Variants in SYT14 observed in about 807,000 individuals in gnomAD.
The protein encoded by SYT14 is synaptotagmin 14, also known as synaptotagmin-14.
A neutral mutation model predicts 74.2 loss-of-function variants in SYT14; 32 were observed. The ratio of observed to expected loss-of-function variants is 0.43; its 90% confidence interval spans 0.33 to 0.58. The LOEUF (loss-of-function observed/expected upper bound fraction) is 0.58. Among genes scored for constraint, SYT14 ranks in the 20% least tolerant of loss-of-function variants. SYT14 has a pLI of 0.05. For synonymous variants in SYT14, 298 were observed against 337.7 expected (o/e 0.88, Z 1.29); for missense variants, 791 against 981.8 (o/e 0.81, Z 2.60).
At chr1:209,965,842 A>G (rs1558097101) in intron 2 of SYT14, 3 of 438,170 alleles carry the variant, frequency 6.8e-6, no homozygotes, top group African/African-American at 4.1e-5. Context: ...TATCAAATCA[A>G]TAGATTATAT....
intron 1 of SYT14, among the ~76,000 whole-genome samples, chr1:209,949,360 G>A (rs2078874360): frequency 6.6e-6 from 1 of 152,024 alleles, no homozygotes; most frequent in African/African-American, 2.4e-5. Flanking sequence ...GGATCATGAG[G>A]TCAAGAGATC....
chr1:210,117,079 G>A (rs926557547), intron 7 of SYT14, among the ~76,000 whole-genome samples: 2 of 152,132 alleles, frequency 1.3e-5, no homozygotes, highest in African/African-American at 4.8e-5. Context: ...TCAGTCAAGA[G>A]TATAATGCCA....
intron 2 of SYT14, among the ~76,000 whole-genome samples, chr1:209,971,258 G>A (rs1341275514): frequency 3.9e-5 from 6 of 152,088 alleles, no homozygotes; most frequent in Admixed American, 6.5e-5. Context: ...TACTGAAGTC[G>A]TTTATCAGTT....
rs184767284 is a variant in SYT14 at position 210,144,942 on chromosome 1, T to G, written c.2035-10779T>G. 1.7e-3 allele frequency among the ~76,000 whole-genome samples: 265 copies of G among 152,250 alleles called. 1 individual carries two copies. The highest frequency in any genetic ancestry group is 5.8e-3 in the African/African-American group (240 of 41,556). On this transcript the variant is annotated intron_variant, in intron 7 of 9. Transcript: ENST00000637265. ...ATACGGAGTCTTTAGCAACCCAATATGTGTCAGCAGTGACTCAGATATCTC... is the reference window on the plus strand; with the variant it reads ...ATACGGAGTCTTTAGCAACCCAATAGGTGTCAGCAGTGACTCAGATATCTC...
chr1:210,106,692 G>A (rs2082163839), intron 7 of SYT14, among the ~76,000 whole-genome samples: 1 of 152,158 alleles, frequency 6.6e-6, no homozygotes, highest in African/African-American at 2.4e-5. Flanking sequence ...ATGTCCCACA[G>A]GGTTCCTCCC....
chr1:210,094,351 C>T (rs1259737472), exon 6 of SYT14: 1 of 1,613,846 alleles, frequency 6.2e-7, no homozygotes, highest in Non-Finnish European at 8.5e-7. Flanking sequence ...GAGAAGAACA[C>T]CCCCGCTGGA....
intron 5 of SYT14, among the ~76,000 whole-genome samples, chr1:210,065,343 G>C (rs1330709871): frequency 2.0e-5 from 3 of 152,008 alleles, no homozygotes; most frequent in Non-Finnish European, 4.4e-5. Context: ...TACTGAATGA[G>C]TTCTCATGAG....
intron 7 of SYT14, among the ~76,000 whole-genome samples, chr1:210,109,107 G>GA (rs1558194569): frequency 1.3e-5 from 2 of 150,736 alleles, no homozygotes; most frequent in Non-Finnish European, 3.0e-5. Context: ...AAATTTACAA[G>GA]AAAAAAACAA....
intron 5 of SYT14, among the ~76,000 whole-genome samples, chr1:210,071,454 G>A (rs1290256742): frequency 6.6e-6 from 1 of 151,850 alleles, no homozygotes; most frequent in African/African-American, 2.4e-5. Flanking sequence ...TATAATTCCT[G>A]TGAATTGTTA....
At chr1:210,115,852 G>C (rs1023770219) in intron 7 of SYT14, among the ~76,000 whole-genome samples, 6 of 151,306 alleles carry the variant, frequency 4.0e-5, no homozygotes, top group Non-Finnish European at 7.3e-5. Flanking sequence ...CAAATTTCAT[G>C]TGCATCTGTG....
At chr1:209,995,083 A>G (rs1193532887) in intron 2 of SYT14, among the ~76,000 whole-genome samples, 1 of 152,222 alleles carries the variant, frequency 6.6e-6, no homozygotes, top group African/African-American at 2.4e-5. Flanking sequence ...CAACTATGCA[A>G]TCAGTTCTAC....
At chr1:210,032,106 A>G (rs922024506) in intron 5 of SYT14, among the ~76,000 whole-genome samples, 1 of 151,968 alleles carries the variant, frequency 6.6e-6, no homozygotes, top group African/African-American at 2.4e-5. Flanking sequence ...TCTTCTTCAT[A>G]TGGTGATTTT....
intron 1 of SYT14, among the ~76,000 whole-genome samples, chr1:209,942,406 A>G (rs964365673): frequency 8.2e-6 from 1 of 121,994 alleles, no homozygotes; most frequent in African/African-American, 3.2e-5. Context: ...TCTGAGAGGC[A>G]TTTTTAAGTA....
chr1:210,023,260 GA>G lies in SYT14; in HGVS notation c.1312+2010del, dbSNP rs544202380. ...TCAAAAAACCTACTGACTGGAGGAG[GA>G]AAATCAGTGAGTATATACGTAATAT... is the stretch of plus-strand genomic sequence containing the variant. On this transcript the variant is annotated intron_variant, in intron 5 of 9. Transcript: ENST00000637265. 1.1e-3 allele frequency among the ~76,000 whole-genome samples: 175 copies of G among 152,260 alleles called. 1 individual carries two copies. The highest frequency in any genetic ancestry group is 4.0e-3 in the African/African-American group (165 of 41,540).
At chr1:209,951,071 G>A (rs183849245) in intron 1 of SYT14, among the ~76,000 whole-genome samples, 83 of 152,288 alleles carry the variant, frequency 5.5e-4, no homozygotes, top group African/African-American at 1.9e-3. Flanking sequence ...GATACATTGT[G>A]AAATGATTAA....
intron 2 of SYT14, among the ~76,000 whole-genome samples, chr1:209,978,849 C>T (rs1309144899): frequency 6.6e-6 from 1 of 152,220 alleles, no homozygotes; most frequent in East Asian, 1.9e-4. Context: ...GTGCTGGGCT[C>T]CACCCAGTTC....
chr1:210,066,470 A>T (rs1411733637), intron 5 of SYT14, among the ~76,000 whole-genome samples: 2 of 152,168 alleles, frequency 1.3e-5, no homozygotes, highest in Non-Finnish European at 2.9e-5. Context: ...CATTTCTCTG[A>T]TGGCCAGTGA....
chr1:210,016,752 A>G, exon 4 of SYT14: 1 of 1,231,898 alleles, frequency 8.1e-7, no homozygotes. Context: ...AAATGTAAAC[A>G]TCTTCCCGAT....
intron 2 of SYT14, among the ~76,000 whole-genome samples, chr1:209,978,681 G>T (rs527552291): frequency 6.6e-6 from 1 of 152,194 alleles, no homozygotes; most frequent in Non-Finnish European, 1.5e-5. Flanking sequence ...CAGTCTGTCC[G>T]TTCTCAGATC....
Sources: allele counts gnomAD v4.1 joint callset (sites outside exome capture counted in the v4.1 genomes callset), GRCh38; gene constraint gnomAD v4.1.1; transcripts MANE v1.5; gene names NCBI Gene and HGNC (gene_info 2026-07-23, HGNC 2026-07-21).